NAV3: variants seen among roughly 807,000 people sequenced by gnomAD.
The protein encoded by NAV3 is neuron navigator 3.
NAV3 carries 87 observed loss-of-function variants against 244.7 expected under a neutral mutation model. That is an observed-to-expected ratio of 0.36 (90% CI 0.30 to 0.42). The LOEUF (loss-of-function observed/expected upper bound fraction) is 0.42. Among genes scored for constraint, NAV3 ranks in the 20% least tolerant of loss-of-function variants. NAV3 has a pLI of 1.00. For synonymous variants in NAV3, 1,126 were observed against 1,042.2 expected, an observed-to-expected ratio of 1.08 and a Z score of -1.55; for missense variants, 2,663 against 2,893.3, an observed-to-expected ratio of 0.92 and a Z score of 1.83.
At chr12:77,699,169 G>A (rs1250821512) in intron 2 of NAV3, among the ~76,000 whole-genome samples, 1 of 152,088 alleles carries the variant, frequency 6.6e-6, no homozygotes, top group Non-Finnish European at 1.5e-5. Context: ...AGGACATGAA[G>A]CAATAGAAGA....
chr12:78,000,335 T>G (rs1303542402), intron 7 of NAV3, among the ~76,000 whole-genome samples: 1 of 152,134 alleles, frequency 6.6e-6, no homozygotes, highest in Admixed American at 6.5e-5. Context: ...CTGGAATTTG[T>G]CTTGTATGCA....
At chr12:77,965,534 G>A (rs191625137) in intron 3 of NAV3, among the ~76,000 whole-genome samples, 17 of 152,226 alleles carry the variant, frequency 1.1e-4, no homozygotes, top group Admixed American at 3.3e-4. Flanking sequence ...CCGGAGAATC[G>A]CTTGAACCCG....
At chr12:78,031,740 T>TG (rs1044495548) in intron 9 of NAV3, among the ~76,000 whole-genome samples, 1 of 63,550 alleles carries the variant, frequency 1.6e-5, no homozygotes, top group Non-Finnish European at 2.8e-5. Flanking sequence ...TGTGGTGGGG[T>TG]GGGGGGAGGG....
chr12:77,708,907 C>G (rs7966365), intron 2 of NAV3, among the ~76,000 whole-genome samples: 3,632 of 152,108 alleles, frequency 0.024, 144 homozygotes, highest in African/African-American at 0.082. Context: ...TGCACATTGA[C>G]TTTGTATCCT....
intron 9 of NAV3, among the ~76,000 whole-genome samples, chr12:78,041,086 G>A (rs1254720991): frequency 6.6e-6 from 1 of 152,156 alleles, no homozygotes; most frequent in Non-Finnish European, 1.5e-5. Context: ...CAGGAAGAAT[G>A]TGATCAGTCT....
chr12:77,619,881 T>TCACACACACA (rs140525524), intron 2 of NAV3, among the ~76,000 whole-genome samples: 1 of 149,256 alleles, frequency 6.7e-6, no homozygotes, highest in Non-Finnish European at 1.5e-5. Context: ...TCTCTCTCTC[T>TCACACACACA]CACACACACA....
chr12:78,025,595 CAAAAAAAAAAAA>C (rs1186694789), intron 9 of NAV3, among the ~76,000 whole-genome samples: 5,293 of 55,614 alleles, frequency 0.095, 156 homozygotes, highest in Admixed American at 0.17. Flanking sequence ...GACTCCATCT[CAAAAAAAAAAAA>C]AAAAAAAAAA....
intron 37 of NAV3, 70 bp from the exon 38 acceptor site, chr12:78,200,403 T>G: frequency 1.2e-6 from 1 of 858,734 alleles, no homozygotes; most frequent in East Asian, 3.0e-5. Flanking sequence ...TATTCCAAAA[T>G]GGTGTCTAGA....
At chr12:78,064,067 C>T (rs1371120244) in intron 12 of NAV3, among the ~76,000 whole-genome samples, 3 of 152,014 alleles carry the variant, frequency 2.0e-5, no homozygotes, top group African/African-American at 7.2e-5. Context: ...AGGTAGAGTG[C>T]TTAGAAAGTG....
intron 16 of NAV3, among the ~76,000 whole-genome samples, chr12:78,126,907 T>C (rs558495127): frequency 7.2e-5 from 11 of 152,300 alleles, no homozygotes; most frequent in Admixed American, 7.2e-4. Flanking sequence ...AGGAAAATTA[T>C]GCTAATGTGA....
intron 12 of NAV3, among the ~76,000 whole-genome samples, chr12:78,115,119 C>A (rs2138480750): frequency 6.6e-6 from 1 of 152,286 alleles, no homozygotes; most frequent in African/African-American, 2.4e-5. Context: ...GATAAAGTAT[C>A]AGTTCACCAT....
At chr12:77,862,502 T>C (rs1210499453) in intron 1 of NAV3, among the ~76,000 whole-genome samples, 1 of 151,812 alleles carries the variant, frequency 6.6e-6, no homozygotes, top group Non-Finnish European at 1.5e-5. Context: ...CAGAATCAGT[T>C]GAATAATTTG....
chr12:77,739,095 T>C (rs1165579234), intron 2 of NAV3, among the ~76,000 whole-genome samples: 1 of 150,420 alleles, frequency 6.6e-6, no homozygotes, highest in Non-Finnish European at 1.5e-5. Context: ...CCCTAACTAG[T>C]TGTGTGATTT....
At chr12:77,901,048 A>G (rs1037326265) in intron 1 of NAV3, among the ~76,000 whole-genome samples, 1 of 152,106 alleles carries the variant, frequency 6.6e-6, no homozygotes, top group Non-Finnish European at 1.5e-5. Flanking sequence ...GTATCTGTTC[A>G]TGTCCTTTGC....
At chr12:78,073,582 A>G (rs1447440062) in intron 12 of NAV3, among the ~76,000 whole-genome samples, 1 of 152,182 alleles carries the variant, frequency 6.6e-6, no homozygotes, top group Non-Finnish European at 1.5e-5. Context: ...ATGGGTAGGA[A>G]GAATCAATAT....
chr12:77,688,440 G>A (rs948382060), intron 2 of NAV3, among the ~76,000 whole-genome samples: 5 of 151,970 alleles, frequency 3.3e-5, no homozygotes, highest in Non-Finnish European at 7.4e-5. Context: ...TGAGGATGAG[G>A]ATAAGGATCT....
chr12:77,683,268 A>G (rs961222706), intron 2 of NAV3, among the ~76,000 whole-genome samples: 1 of 152,106 alleles, frequency 6.6e-6, no homozygotes, highest in African/African-American at 2.4e-5. Flanking sequence ...TATTAAAGAT[A>G]CTGTCTTTTT....
At chr12:77,786,108 T>A (rs1280307087) in intron 2 of NAV3, among the ~76,000 whole-genome samples, 2 of 152,114 alleles carry the variant, frequency 1.3e-5, no homozygotes, top group Non-Finnish European at 2.9e-5. Context: ...CAGTTAAGAT[T>A]TTTGCCAAAT....
chr12:77,977,142 G>T (rs894631079), intron 5 of NAV3, among the ~76,000 whole-genome samples: 1 of 152,102 alleles, frequency 6.6e-6, no homozygotes, highest in Non-Finnish European at 1.5e-5. Flanking sequence ...ATGAAATGTT[G>T]CATGTAAGTA....
Sources: allele counts gnomAD v4.1 joint callset (sites outside exome capture counted in the v4.1 genomes callset), GRCh38; gene constraint gnomAD v4.1.1; transcripts MANE v1.5; gene names NCBI Gene and HGNC (gene_info 2026-07-23, HGNC 2026-07-21).